The following TNRC6C variants were observed in gnomAD, a reference collection of about 807,000 sequenced individuals.
TNRC6C encodes the protein trinucleotide repeat-containing gene 6C protein.
Under a neutral mutation model 153.7 loss-of-function variants are expected in TNRC6C, and 20 were observed. The ratio of observed to expected loss-of-function variants is 0.13; its 90% CI spans 0.09 to 0.19. The LOEUF is 0.19. Among genes scored for constraint, TNRC6C ranks in the 10% least tolerant of loss-of-function variants. TNRC6C has a pLI of 1.00. For synonymous variants in TNRC6C, 811 were observed against 841.4 expected, an observed-to-expected ratio of 0.96 and a Z score of 0.63; for missense variants, 1,987 against 2,172.0, an observed-to-expected ratio of 0.91 and a Z score of 1.69.
chr17:78,092,803 A>G (rs2073416659), intron 14 of TNRC6C, 130 bp from the exon 17 acceptor site: 1 of 652,468 alleles, frequency 1.5e-6, no homozygotes, highest in East Asian at 2.8e-5. Context: ...AAGTCTTACA[A>G]TTCATGTAAC....
At chr17:78,021,531 AAG>A (rs1194059498) in intron 1 of TNRC6C, among the ~76,000 whole-genome samples, 1 of 152,224 alleles carries the variant, frequency 6.6e-6, no homozygotes, top group East Asian at 1.9e-4. Flanking sequence ...AATCATAAAA[AAG>A]ATTATGGAGA....
intron 13 of TNRC6C, among the ~76,000 whole-genome samples, chr17:78,090,060 A>G (rs142418097): frequency 3.9e-5 from 6 of 152,310 alleles, no homozygotes; most frequent in Non-Finnish European, 7.4e-5. Context: ...GAACCCACAC[A>G]GCAGAGATTG....
upstream of TNRC6C, among the ~76,000 whole-genome samples, chr17:78,000,622 C>A (rs894931794): frequency 3.6e-5 from 2 of 55,326 alleles, no homozygotes; most frequent in African/African-American, 1.5e-4. Context: ...CCCTCCGCCC[C>A]CCCCCCCCCA....
chr17:78,013,732 G>C (rs1272712477), intron 1 of TNRC6C, among the ~76,000 whole-genome samples: 1 of 152,138 alleles, frequency 6.6e-6, no homozygotes, highest in African/African-American at 2.4e-5. Context: ...AGGGTGAGCA[G>C]GACCCAACTA....
At chr17:78,082,040 C>T (rs978246587) in intron 10 of TNRC6C, among the ~76,000 whole-genome samples, 1 of 151,054 alleles carries the variant, frequency 6.6e-6, no homozygotes, top group Non-Finnish European at 1.5e-5. Context: ...TTTTAATGGC[C>T]TTTGACATTT....
At chr17:78,051,517 T>C in intron 3 of TNRC6C, 69 bp downstream of exon 5, 1 of 1,344,002 alleles carries the variant, frequency 7.4e-7, no homozygotes, top group Non-Finnish European at 9.6e-7. Flanking sequence ...TCATTATATA[T>C]TCATGAATAC....
Position 78,049,057 on chromosome 17 carries a change from A to G in TNRC6C, c.-6A>G. On this transcript the variant is annotated 5_prime_UTR_variant, in exon 3 of 20. Transcript: ENST00000301624. This position sits in a 1 kb window ranked among gnomAD's most constrained non-coding sequence, Gnocchi z 4.1. Reference sequence around the variant, plus strand: ...TGCCTCCAACTGTGGCTCAGAGAACAGTAGCATGGCTACAGGGAGTGCCCA... The same window carrying G: ...TGCCTCCAACTGTGGCTCAGAGAACGGTAGCATGGCTACAGGGAGTGCCCA... 1.3e-6 allele frequency: 2 copies of G among 1,517,584 alleles called. No individual in the cohort carries two copies. The highest frequency in any genetic ancestry group is 1.8e-6 in the Non-Finnish European group (2 of 1,132,566). 94.0% of individuals were successfully genotyped at this position (1,517,584 alleles called of 1,614,324 possible). A position where few individuals can be genotyped will look rare whatever the true frequency, so the allele number is the denominator to read the frequency against.
intron 1 of TNRC6C, among the ~76,000 whole-genome samples, chr17:78,027,589 G>A (rs2071967689): frequency 6.6e-6 from 1 of 152,194 alleles, no homozygotes; most frequent in Admixed American, 6.5e-5. Flanking sequence ...AGAGAGTTGT[G>A]AGTTGAAGAC....
intron 13 of TNRC6C, among the ~76,000 whole-genome samples, chr17:78,087,588 C>G (rs192813408): frequency 5.3e-5 from 8 of 152,308 alleles, no homozygotes; most frequent in Non-Finnish European, 1.2e-4. Flanking sequence ...CTAGTCTACT[C>G]TGAACTGTAC....
At chr17:78,048,862 T>C in exon 3 of TNRC6C, 1 of 1,243,454 alleles carries the variant, frequency 8.0e-7, no homozygotes, top group Non-Finnish European at 1.0e-6. Flanking sequence ...TCATAGTGGA[T>C]TGGCAGATCA....
chr17:77,992,580 A>G (rs1032681483), intron 1 of TNRC6C, among the ~76,000 whole-genome samples: 2 of 152,036 alleles, frequency 1.3e-5, no homozygotes, highest in East Asian at 1.9e-4. Context: ...CCCCCAGATA[A>G]TTGCTGACTT....
At chr17:78,004,340 T>G, upstream of TNRC6C, 1 of 1,230,350 alleles carries the variant, frequency 8.1e-7, no homozygotes, top group Non-Finnish European at 1.0e-6. Context: ...ATAGCCATTA[T>G]ATGACAAGGT....
chr17:78,071,723 T>C (rs2073001321), intron 6 of TNRC6C, among the ~76,000 whole-genome samples: 1 of 152,236 alleles, frequency 6.6e-6, no homozygotes, highest in African/African-American at 2.4e-5. Context: ...TTCATTGGTT[T>C]ATACAGTTTT....
At chr17:78,050,423 T>C in exon 3 of TNRC6C, 1 of 1,614,006 alleles carries the variant, frequency 6.2e-7, no homozygotes, top group Non-Finnish European at 8.5e-7. Flanking sequence ...CAGACTCCTG[T>C]AAAGCAAAAC....
At chr17:78,106,873 CAAAA>C (rs1397175166) in exon 20 of TNRC6C, 2 of 58,190 alleles carry the variant, frequency 3.4e-5, no homozygotes, top group Non-Finnish European at 7.2e-5. Context: ...TTTATCAAAA[CAAAA>C]AAAATACAAA....
intron 1 of TNRC6C, among the ~76,000 whole-genome samples, chr17:77,967,802 T>G (rs2070909914): frequency 6.6e-6 from 1 of 152,238 alleles, no homozygotes; most frequent in African/African-American, 2.4e-5. Flanking sequence ...AAATGAGTGT[T>G]ATGACTAATG....
chr17:77,996,012 G>C (rs899700563), intron 1 of TNRC6C, among the ~76,000 whole-genome samples: 1 of 152,164 alleles, frequency 6.6e-6, no homozygotes, highest in Non-Finnish European at 1.5e-5. Flanking sequence ...GTTCGAGGCT[G>C]CAGTGAGCTG....
intron 15 of TNRC6C, 194 bp downstream of exon 17, chr17:78,093,318 T>C: frequency 1.4e-6 from 1 of 716,196 alleles, no homozygotes; most frequent in South Asian, 1.9e-5. Context: ...GGCATTTTTC[T>C]GTAAACCCTT....
intron 16 of TNRC6C, among the ~76,000 whole-genome samples, chr17:78,094,591 A>G (rs1479611920): frequency 6.6e-6 from 1 of 151,656 alleles, no homozygotes; most frequent in African/African-American, 2.4e-5. Context: ...GGCGTGCACC[A>G]CCACACCCAG....
Sources: allele counts gnomAD v4.1 joint callset (sites outside exome capture counted in the v4.1 genomes callset), GRCh38; gene constraint gnomAD v4.1.1; non-coding constraint Gnocchi (gnomAD v3.1); transcripts MANE v1.5; gene names NCBI Gene and HGNC (gene_info 2026-07-23, HGNC 2026-07-21).